Variants in FAM91A1 observed in about 807,000 individuals in gnomAD.
FAM91A1 encodes the protein protein FAM91A1.
In FAM91A1, 41 loss-of-function variants were observed where a neutral mutation model predicts 113.5. That is an observed-to-expected ratio of 0.36 (90% CI 0.28 to 0.47). FAM91A1 has a LOEUF of 0.47. Among genes scored for constraint, FAM91A1 ranks in the 20% least tolerant of loss-of-function variants. FAM91A1 has a pLI of 1.00. For missense variants in FAM91A1, 696 were observed against 1,001.2 expected, an observed-to-expected ratio of 0.70 and a Z score of 4.11; for synonymous variants, 307 against 347.9, an observed-to-expected ratio of 0.88 and a Z score of 1.31.
At chr8:123,792,808 A>T (rs971327757) in intron 15 of FAM91A1, among the ~76,000 whole-genome samples, 1 of 152,150 alleles carries the variant, frequency 6.6e-6, no homozygotes. Context: ...TTTTCCCCGT[A>T]TGACTTAGAT....
At chr8:123,807,480 CAAAAAAAAAAAA>C (rs546080328) in intron 20 of FAM91A1, among the ~76,000 whole-genome samples, 23 of 58,952 alleles carry the variant, frequency 3.9e-4, no homozygotes, top group Non-Finnish European at 7.3e-4. Context: ...CCTGTCTCTA[CAAAAAAAAAAAA>C]AAAAAAAAAA....
At chr8:123,812,073 AT>A (rs1409213171) in intron 23 of FAM91A1, 1 of 151,986 alleles carries the variant, frequency 6.6e-6, no homozygotes, top group Admixed American at 6.6e-5. Context: ...AGGTTTCACC[AT>A]GTTGGCCAGG....
intron 18 of FAM91A1, among the ~76,000 whole-genome samples, chr8:123,803,131 C>T (rs1815725784): frequency 6.6e-6 from 1 of 152,106 alleles, no homozygotes; most frequent in South Asian, 2.1e-4. Flanking sequence ...TAGTGAAACC[C>T]TGTCTTAATT....
At chr8:123,780,332 T>G (rs763656528) in intron 7 of FAM91A1, 148 bp from the exon 8 acceptor site, 194 of 748,690 alleles carry the variant, frequency 2.6e-4, no homozygotes, top group Non-Finnish European at 3.8e-4. Context: ...TTAAAAACTT[T>G]AATTCTTTTT....
At chr8:123,792,124 G>A (rs1411086224) in intron 15 of FAM91A1, among the ~76,000 whole-genome samples, 4 of 151,166 alleles carry the variant, frequency 2.6e-5, no homozygotes, top group Non-Finnish European at 5.9e-5. Flanking sequence ...GCAGTGAGCT[G>A]AAATGACACC....
rs1815202024 is a variant in FAM91A1 at position 123,784,476 on chromosome 8, C to G, written c.710C>G (p.Pro237Arg). The G allele has an allele frequency of 6.3e-7, 1 of 1,596,100 alleles. No homozygotes were observed. The highest frequency in any genetic ancestry group is 8.5e-7 in the Non-Finnish European group (1 of 1,173,044). The change falls in exon 9 of 24, where the codon CCT (proline) becomes CGT (arginine). Residue 237 changes from proline to arginine, a missense_variant. Coordinates refer to ENST00000334705, the MANE Select transcript of FAM91A1 (RefSeq NM_144963.4). Reference protein sequence around the residue: ...ISDDSCIAVPPLEGFVMNRVQ... With the variant: ...ISDDSCIAVPRLEGFVMNRVQ... The stretch of plus-strand genomic sequence containing the variant: ...TCTCTTCTGTTTGTTTTAGTTCCAC[C>G]TCTTGAAGGTTTTGTAATGAATCGA...
intron 15 of FAM91A1, among the ~76,000 whole-genome samples, chr8:123,793,735 A>AT (rs771827239): frequency 1.6e-4 from 25 of 152,232 alleles, no homozygotes; most frequent in Non-Finnish European, 3.4e-4. Flanking sequence ...GATTGCTATT[A>AT]GAGACCAAGA....
intron 8 of FAM91A1, among the ~76,000 whole-genome samples, chr8:123,781,389 A>T (rs1382138324): frequency 2.6e-5 from 4 of 152,048 alleles, no homozygotes; most frequent in Admixed American, 1.3e-4. Context: ...TTGACAAGAT[A>T]TCATGCTGTA....
At chr8:123,772,560 A>G (rs760104256) in intron 1 of FAM91A1, among the ~76,000 whole-genome samples, 11 of 152,212 alleles carry the variant, frequency 7.2e-5, no homozygotes, top group Admixed American at 2.0e-4. Context: ...TTCTGGTTCT[A>G]CCGTGGGTTC....
At chr8:123,796,811 C>G (rs1464968612) in intron 15 of FAM91A1, among the ~76,000 whole-genome samples, 1 of 150,534 alleles carries the variant, frequency 6.6e-6, no homozygotes, top group Admixed American at 6.6e-5. Flanking sequence ...TGCCTGTAAT[C>G]CCAACGCTTT....
At chr8:123,769,571 AT>A (rs2130024276) in intron 1 of FAM91A1, among the ~76,000 whole-genome samples, 1 of 152,240 alleles carries the variant, frequency 6.6e-6, no homozygotes, top group East Asian at 1.9e-4. Flanking sequence ...TTAATTCTCG[AT>A]TTTTTTAGTC....
At chr8:123,792,042 G>T (rs1334113455) in intron 15 of FAM91A1, among the ~76,000 whole-genome samples, 2 of 151,262 alleles carry the variant, frequency 1.3e-5, no homozygotes, top group East Asian at 3.9e-4. Context: ...AAGTGTGGTG[G>T]CAGGCACCTG....
At chr8:123,785,430 G>T (rs949878216) in intron 10 of FAM91A1, among the ~76,000 whole-genome samples, 199 bp from the exon 11 acceptor site, 5 of 152,184 alleles carry the variant, frequency 3.3e-5, no homozygotes, top group African/African-American at 7.2e-5. Flanking sequence ...GGAGGGCAAG[G>T]CCAGAGAGTT....
At chr8:123,773,053 C>G (rs1241944933) in intron 1 of FAM91A1, among the ~76,000 whole-genome samples, 1 of 152,096 alleles carries the variant, frequency 6.6e-6, no homozygotes, top group Non-Finnish European at 1.5e-5. Flanking sequence ...CTATGCAGTT[C>G]AAACCCGTGT....
chr8:123,779,810 G>T (rs949640457), intron 6 of FAM91A1, among the ~76,000 whole-genome samples, 175 bp from the exon 7 acceptor site: 3 of 152,018 alleles, frequency 2.0e-5, no homozygotes. Flanking sequence ...GCATATTTTG[G>T]CACCTTAATT....
chr8:123,772,087 C>G (rs1814860321), intron 1 of FAM91A1, among the ~76,000 whole-genome samples: 1 of 152,104 alleles, frequency 6.6e-6, no homozygotes, highest in Non-Finnish European at 1.5e-5. Flanking sequence ...CCAAGAATCT[C>G]AGAATGAAGC....
At chr8:123,790,447 C>T (rs969293567) in intron 15 of FAM91A1, among the ~76,000 whole-genome samples, 1 of 152,198 alleles carries the variant, frequency 6.6e-6, no homozygotes, top group African/African-American at 2.4e-5. Context: ...TAGGCTTGGG[C>T]ACCCCTGCAT....
intron 1 of FAM91A1, among the ~76,000 whole-genome samples, chr8:123,770,699 A>G (rs1042886345): frequency 6.6e-6 from 1 of 152,248 alleles, no homozygotes; most frequent in Non-Finnish European, 1.5e-5. Context: ...GACTTTAATT[A>G]GTATTGGCAA....
In FAM91A1 at chr8:123,798,342, G is replaced by A. The variant is rs1033245253; in HGVS notation, c.1560+104G>A. 7 of 1,339,734 alleles carry A rather than the reference G, an allele frequency of 5.2e-6. No individual in the cohort carries two copies. The East Asian group carries it at 1.5e-4, about 29-fold the overall frequency. 83.0% of individuals were successfully genotyped at this position (1,339,734 alleles called of 1,614,324 possible). The stretch of plus-strand genomic sequence containing the variant: ...CAACTATTAAAATCACTGAATCATA[G>A]AAAGCAATTTTGTATTTTATGCCTT... On this transcript the variant is annotated intron_variant, in intron 16 of 23. Coordinates refer to ENST00000334705, the MANE Select transcript of FAM91A1 (RefSeq NM_144963.4).
Sources: allele counts gnomAD v4.1 joint callset (sites outside exome capture counted in the v4.1 genomes callset), GRCh38; gene constraint gnomAD v4.1.1; transcripts MANE v1.5; gene names NCBI Gene and HGNC (gene_info 2026-07-23, HGNC 2026-07-21).